Variants in BRI3BP observed in about 807,000 individuals in gnomAD.
BRI3BP encodes the protein BRI3 binding protein.
In BRI3BP, 7 loss-of-function variants were observed where a neutral mutation model predicts 15.8. That is an observed-to-expected ratio of 0.44 (90% CI 0.25 to 0.83). The LOEUF (loss-of-function observed/expected upper bound fraction) is 0.83, where lower values mean the gene tolerates loss of function less well. BRI3BP is among the 40% of genes least tolerant of loss of function. The pLI is 0.20. For synonymous variants in BRI3BP, 192 were observed against 163.5 expected, an observed-to-expected ratio of 1.17 and a Z score of -1.33; for missense variants, 320 against 339.3, an observed-to-expected ratio of 0.94 and a Z score of 0.45.
the BRI3BP span, among the ~76,000 whole-genome samples, chr12:125,044,183 C>G: frequency 7.7e-5 from 8 of 104,574 alleles, no homozygotes; most frequent in Non-Finnish European, 4.7e-5. Flanking sequence ...GATGGAGTCT[C>G]TCTCTGTCGC....
chr12:125,000,149 C>T (rs1349491874), intron 1 of BRI3BP, among the ~76,000 whole-genome samples: 1 of 137,066 alleles, frequency 7.3e-6, no homozygotes, highest in East Asian at 2.5e-4. Context: ...AACTTTGACA[C>T]TTTCCAGTCC....
rs1955347153 is a variant in BRI3BP at position 125,025,595 on chromosome 12, T to C, written c.*165T>C. On this transcript the variant is annotated 3_prime_UTR_variant, in exon 3 of 3. Transcript: ENST00000341446. Reference sequence around the variant, plus strand: ...CCCACCCGGCAGCTCTTAGGACACATTCCCAGAAGAGCGGAAAGATCATTG... The same window carrying C: ...CCCACCCGGCAGCTCTTAGGACACACTCCCAGAAGAGCGGAAAGATCATTG... 2 of 668,286 alleles carry C rather than the reference T, an allele frequency of 3.0e-6. No individual in the cohort carries two copies. The highest frequency in any genetic ancestry group is 3.6e-5 in the African/African-American group (2 of 55,492). 41.4% of individuals were successfully genotyped at this position (668,286 alleles called of 1,614,324 possible). A position where few individuals can be genotyped will look rare whatever the true frequency, so the allele number is the denominator to read the frequency against.
In BRI3BP at chr12:125,026,227, G is replaced by A. The variant is rs1221044962; in HGVS notation, c.*797G>A. The A allele has an allele frequency of 3.9e-5, 6 of 152,146 alleles. No individual in the cohort carries two copies. Among genetic ancestry groups the A allele is most frequent in the Admixed American group, 2.6e-4 (4 of 15,272 alleles). 9.4% of individuals were successfully genotyped at this position (152,146 alleles called of 1,614,324 possible). Reference sequence around the variant, plus strand: ...GGGGATTTGATGCCAGGAAGTACCTGGTAAGGATTGGAGATTGCTCCAGAA... The same window carrying A: ...GGGGATTTGATGCCAGGAAGTACCTAGTAAGGATTGGAGATTGCTCCAGAA... On this transcript the variant is annotated 3_prime_UTR_variant, in exon 3 of 3. Coordinates refer to ENST00000341446, the MANE Select transcript of BRI3BP (RefSeq NM_080626.6).
intron 1 of BRI3BP, among the ~76,000 whole-genome samples, chr12:125,001,403 A>G (rs901371640): frequency 6.6e-6 from 1 of 152,046 alleles, no homozygotes; most frequent in African/African-American, 2.4e-5. Context: ...TCTGTAGCCC[A>G]GAATGGAGTG....
intron 1 of BRI3BP, among the ~76,000 whole-genome samples, 173 bp downstream of exon 1, chr12:124,994,176 G>A (rs1955020835): frequency 6.6e-6 from 1 of 151,718 alleles, no homozygotes; most frequent in Non-Finnish European, 1.5e-5. Flanking sequence ...CGCCGGGCCT[G>A]ACCAGTGCGG....
intron 1 of BRI3BP, among the ~76,000 whole-genome samples, chr12:124,999,604 T>A (rs1020209985): frequency 6.7e-6 from 1 of 149,280 alleles, no homozygotes; most frequent in Non-Finnish European, 1.5e-5. Context: ...TTTTATTTTT[T>A]ATTTTTATTT....
chr12:125,003,101 A>C (rs1955109824), intron 1 of BRI3BP, among the ~76,000 whole-genome samples: 1 of 152,134 alleles, frequency 6.6e-6, no homozygotes, highest in South Asian at 2.1e-4. Context: ...GAAACCTCTG[A>C]ATGGCAGAAT....
Position 125,025,427 on chromosome 12 carries a change from G to C in BRI3BP, c.753G>C (p.Lys251Asn). ...AGAGCCTGGACCGCTCCAAGGACAA[G>C]TGAAGGTCAGCCGGCCGGGCGGGTC... ...VLESLDRSKD[K>N] Residue 251 changes from lysine to asparagine, a missense_variant, in exon 3 of 3, where the codon AAG (lysine) becomes AAC (asparagine). Coordinates refer to ENST00000341446, the MANE Select transcript of BRI3BP (RefSeq NM_080626.6). The C allele has an allele frequency of 6.3e-7, 1 of 1,584,864 alleles. No homozygotes were observed. Among genetic ancestry groups the C allele is most frequent in the Non-Finnish European group, 8.6e-7 (1 of 1,161,214 alleles).
downstream of BRI3BP, chr12:125,031,342 G>T (rs1003945146): frequency 2.8e-4 from 42 of 152,226 alleles, 1 homozygote; most frequent in Middle Eastern, 3.4e-3. Flanking sequence ...TGGAGGTAAG[G>T]TTGCAAGATA....
At chr12:125,002,409 A>G (rs773941468) in intron 1 of BRI3BP, among the ~76,000 whole-genome samples, 102 of 150,584 alleles carry the variant, frequency 6.8e-4, no homozygotes, top group Non-Finnish European at 1.2e-3. Flanking sequence ...GCAGACGTGA[A>G]GTAGTATTGC....
intron 2 of BRI3BP, among the ~76,000 whole-genome samples, chr12:125,023,776 C>G (rs1043836165): frequency 6.6e-6 from 1 of 152,124 alleles, no homozygotes; most frequent in Non-Finnish European, 1.5e-5. Flanking sequence ...ACACTGCTAT[C>G]AAAACATACC....
rs1955018074 is a variant in BRI3BP at position 124,993,965 on chromosome 12, A to G, written c.175A>G (p.Ser59Gly). Reference sequence around the variant, plus strand: ...CAACACCTTCTCCCAGAGCGTCAGCAGCCTGTTCGGCGAGGACAACGTGCG... The same window carrying G: ...CAACACCTTCTCCCAGAGCGTCAGCGGCCTGTTCGGCGAGGACAACGTGCG... ...TVNTFSQSVSSLFGEDNVRAA... is the reference protein window; with the variant it reads ...TVNTFSQSVSGLFGEDNVRAA... Residue 59 changes from serine to glycine, a missense_variant, in exon 1 of 3, where the codon AGC becomes GGC. Transcript: ENST00000341446. The G allele has an allele frequency of 2.2e-6, 3 of 1,366,010 alleles. No individual in the cohort carries two copies. Among genetic ancestry groups the G allele is most frequent in the East Asian group, 3.1e-5 (1 of 32,046 alleles). 84.6% of individuals were successfully genotyped at this position (1,366,010 alleles called of 1,614,324 possible).
the BRI3BP span, among the ~76,000 whole-genome samples, chr12:125,040,609 C>T: frequency 6.6e-6 from 1 of 151,968 alleles, no homozygotes; most frequent in Non-Finnish European, 1.5e-5. Context: ...TCCCAAAGTG[C>T]TAGTATTACA....
intron 1 of BRI3BP, among the ~76,000 whole-genome samples, chr12:124,996,080 A>T (rs960733126): frequency 6.6e-6 from 1 of 151,860 alleles, no homozygotes; most frequent in African/African-American, 2.4e-5. Context: ...TGCCTGGCTA[A>T]GTTTTGTATT....
the BRI3BP span, among the ~76,000 whole-genome samples, chr12:125,039,220 A>G: frequency 6.6e-6 from 1 of 152,246 alleles, no homozygotes; most frequent in Non-Finnish European, 1.5e-5. Flanking sequence ...CTGTGATTCC[A>G]AATTCTGTTT....
intron 1 of BRI3BP, among the ~76,000 whole-genome samples, chr12:125,007,954 CCT>C (rs923604881): frequency 2.6e-5 from 4 of 152,108 alleles, no homozygotes; most frequent in African/African-American, 9.7e-5. Flanking sequence ...TGTGCAACTG[CCT>C]CTCTCAGTCA....
chr12:125,036,377 T>G, the BRI3BP span, among the ~76,000 whole-genome samples: 1 of 151,226 alleles, frequency 6.6e-6, no homozygotes, highest in South Asian at 2.1e-4. Context: ...TTTTTTTATT[T>G]TATTTATTTA....
rs939404949 is a variant in BRI3BP, at chr12:125,029,876, G to T, written c.*4446G>T. The T allele has an allele frequency of 1.3e-5, 2 of 152,292 alleles. No homozygotes were observed. Among genetic ancestry groups the T allele is most frequent in the Non-Finnish European group, 2.9e-5 (2 of 68,046 alleles). 9.4% of individuals were successfully genotyped at this position (152,292 alleles called of 1,614,324 possible). ...GACTGTGATGGTGGTAACCAAGTGG[G>T]GTGGTCCCCTCTGGGGAGCTGAGTA... is the stretch of plus-strand genomic sequence containing the variant. On this transcript the variant is annotated 3_prime_UTR_variant, in exon 3 of 3. Coordinates refer to ENST00000341446, the MANE Select transcript of BRI3BP (RefSeq NM_080626.6).
chr12:124,996,961 A>G (rs1381885290), intron 1 of BRI3BP, among the ~76,000 whole-genome samples: 3 of 151,322 alleles, frequency 2.0e-5, no homozygotes, highest in East Asian at 2.0e-4. Flanking sequence ...GGGTTTCACC[A>G]TGTTGGCCAG....
Sources: gnomAD v4.1 joint callset for allele counts (sites outside exome capture counted in the v4.1 genomes callset) on GRCh38, gnomAD v4.1.1 for gene constraint, MANE v1.5 for transcripts, NCBI Gene and HGNC (gene_info 2026-07-23, HGNC 2026-07-21) for gene names.